ZNF808: variants seen among roughly 807,000 people sequenced by gnomAD.
ZNF808 encodes zinc finger protein 808.
A neutral mutation model predicts 8.7 loss-of-function variants in ZNF808; 5 were observed. The ratio of observed to expected loss-of-function variants is 0.58; its 90% CI spans 0.30 to 1.21. The LOEUF is 1.21. Among genes scored for constraint, ZNF808 ranks in the 50% most tolerant of loss-of-function variants. The pLI, the probability that ZNF808 is intolerant of heterozygous loss-of-function variation, is 0.07. For synonymous variants in ZNF808, 380 were observed against 366.0 expected, an observed-to-expected ratio of 1.04 and a Z score of -0.44; for missense variants, 1,103 against 1,098.4, an observed-to-expected ratio of 1.00 and a Z score of -0.06.
chr19:52,532,382 C>T (rs893257780), intron 1 of ZNF808, among the ~76,000 whole-genome samples: 5 of 152,056 alleles, frequency 3.3e-5, no homozygotes, highest in South Asian at 2.1e-4. Flanking sequence ...ACCGCCACCA[C>T]GCCTGGCTGA....
intron 3 of ZNF808, among the ~76,000 whole-genome samples, chr19:52,544,623 C>T (rs2059703788): frequency 6.6e-6 from 1 of 152,110 alleles, no homozygotes; most frequent in African/African-American, 2.4e-5. Flanking sequence ...ACCACCATGT[C>T]AGGCCTTATT....
chr19:52,552,417 T>C (rs2059786623), intron 4 of ZNF808, among the ~76,000 whole-genome samples: 1 of 149,646 alleles, frequency 6.7e-6, no homozygotes, highest in African/African-American at 2.5e-5. Flanking sequence ...TTTTCTTTTT[T>C]TTTTTTTTCT....
chr19:52,560,382 T>G (rs2059852611), downstream of ZNF808, among the ~76,000 whole-genome samples: 1 of 152,142 alleles, frequency 6.6e-6, no homozygotes, highest in Non-Finnish European at 1.5e-5. Context: ...ATTACAGGCA[T>G]GAGCCACTGT....
chr19:52,554,674 T>A lies in ZNF808; in HGVS notation c.1758T>A (p.Arg586=). The change falls in exon 5 of 5, where the codon CGT becomes CGA. Residue 586 remains arginine (R), a synonymous_variant. Coordinates refer to ENST00000359798, the MANE Select transcript of ZNF808 (RefSeq NM_001039886.4). ...AACAATCACATCTTTCACGTCATCGTAGACTTCATACTGGAGAGAAACCTT... is the reference window on the plus strand; with the variant it reads ...AACAATCACATCTTTCACGTCATCGAAGACTTCATACTGGAGAGAAACCTT... ...FNQQSHLSRH[R]RLHTGEKPYK... 1 of 1,614,056 alleles carries A rather than the reference T, an allele frequency of 6.2e-7. No individual in the cohort carries two copies. Among genetic ancestry groups the A allele is most frequent in the East Asian group, 2.2e-5 (1 of 44,868 alleles).
downstream of ZNF808, among the ~76,000 whole-genome samples, chr19:52,565,918 A>T (rs962837738): frequency 6.6e-6 from 1 of 152,170 alleles, no homozygotes; most frequent in African/African-American, 2.4e-5. Context: ...AGGCTGTGTC[A>T]TGGGTGCATT....
chr19:52,564,108 GT>G, exon 4 of ZNF808: 1 of 664,970 alleles, frequency 1.5e-6, no homozygotes, highest in Non-Finnish European at 2.8e-6. Context: ...GGATTAAGCG[GT>G]TTCTGGCCAA....
chr19:52,536,438 T>C (rs1193841788), intron 2 of ZNF808, among the ~76,000 whole-genome samples: 1 of 152,064 alleles, frequency 6.6e-6, no homozygotes, highest in Non-Finnish European at 1.5e-5. Flanking sequence ...CTGGGGAGGC[T>C]GCGTCTTCTG....
chr19:52,535,330 CAAAAAAAAAAA>C (rs560559835), intron 2 of ZNF808, among the ~76,000 whole-genome samples: 3 of 70,142 alleles, frequency 4.3e-5, no homozygotes, highest in South Asian at 5.1e-4. Flanking sequence ...GACTCCGTCT[CAAAAAAAAAAA>C]AAAAAAAAAA....
chr19:52,539,998 C>T (rs1331305114), intron 2 of ZNF808, among the ~76,000 whole-genome samples: 1 of 152,092 alleles, frequency 6.6e-6, no homozygotes, highest in African/African-American at 2.4e-5. Context: ...ACACACCCCA[C>T]CAGGTCCGGC....
At chr19:52,561,190 CTCTCTCTCTCTCTCTCTCTCTCTATATA>C (rs762376179), downstream of ZNF808, among the ~76,000 whole-genome samples, 366 of 69,132 alleles carry the variant, frequency 5.3e-3, 4 homozygotes, top group Non-Finnish European at 6.3e-3. Context: ...CTCTCTCTCT[CTCTCTCTCTCTCTCTCTCTCTCTATATA>C]TATATATATA....
At chr19:52,549,252 C>G (rs1318492947) in intron 4 of ZNF808, among the ~76,000 whole-genome samples, 1 of 152,144 alleles carries the variant, frequency 6.6e-6, no homozygotes, top group Non-Finnish European at 1.5e-5. Context: ...GCTGGTATTA[C>G]AGACATGAGC....
At chr19:52,561,163 TCTCTCTCTC>T (rs1568494865), downstream of ZNF808, among the ~76,000 whole-genome samples, 1,431 of 66,390 alleles carry the variant, frequency 0.022, 28 homozygotes, top group Admixed American at 0.03. Context: ...ATCTGTTCTC[TCTCTCTCTC>T]TCTCTCTCTC....
chr19:52,555,663 C>A lies in ZNF808; in HGVS notation c.*35C>A. On this transcript the variant is annotated 3_prime_UTR_variant, in exon 5 of 5. Coordinates refer to ENST00000359798, the MANE Select transcript of ZNF808 (RefSeq NM_001039886.4). ...TGTCACAAAGTCTTCAGTAACACTA[C>A]AACAATTGCAAATCATTGGAGAATC... 6.3e-7 allele frequency: 1 copy of A among 1,575,000 alleles called. No individual in the cohort carries two copies.
In ZNF808 at chr19:52,554,905, G is replaced by A; in HGVS notation, c.1989G>A (p.Lys663=). 6.2e-7 allele frequency: 1 copy of A among 1,614,168 alleles called. No individual in the cohort carries two copies. The highest frequency in any genetic ancestry group is 2.2e-5 in the East Asian group (1 of 44,882). ...CNECGKTFSY[K]SSLVWHRRLH... is the part of the protein sequence containing the mutation. The stretch of plus-strand genomic sequence containing the variant: ...AGTGTGGGAAGACCTTCAGTTACAA[G>A]TCATCACTTGTATGGCATCGTAGAC... Residue 663 remains lysine, a synonymous_variant, in exon 5 of 5, where the codon AAG becomes AAA. Transcript: ENST00000359798.
downstream of ZNF808, among the ~76,000 whole-genome samples, chr19:52,560,103 A>C (rs2059851574): frequency 6.6e-6 from 1 of 152,192 alleles, no homozygotes; most frequent in South Asian, 2.1e-4. Context: ...TGGGAGGCCC[A>C]GGTGGGTGAA....
intron 3 of ZNF808, among the ~76,000 whole-genome samples, chr19:52,563,143 T>G (rs1288562719): frequency 6.6e-6 from 1 of 152,188 alleles, no homozygotes; most frequent in Non-Finnish European, 1.5e-5. Context: ...GTAGTGATCT[T>G]AAATGTATTT....
chr19:52,542,115 C>T (rs1320049010), intron 2 of ZNF808, among the ~76,000 whole-genome samples: 3 of 149,132 alleles, frequency 2.0e-5, no homozygotes, highest in Admixed American at 6.7e-5. Context: ...TTTTTTGAGA[C>T]GAATTTTCAC....
chr19:52,533,589 GCTCACGC>G (rs1295139022), intron 2 of ZNF808, among the ~76,000 whole-genome samples: 1 of 150,434 alleles, frequency 6.6e-6, no homozygotes, highest in Non-Finnish European at 1.5e-5. Context: ...ACGCGCAGTG[GCTCACGC>G]CTGTAATCCC....
At chr19:52,566,271 T>G (rs1480104075), downstream of ZNF808, among the ~76,000 whole-genome samples, 1 of 152,076 alleles carries the variant, frequency 6.6e-6, no homozygotes, top group African/African-American at 2.4e-5. Context: ...GTACTACGGA[T>G]TCTCCTGTCT....
Sources: gnomAD v4.1 joint callset for allele counts (sites outside exome capture counted in the v4.1 genomes callset) on GRCh38, gnomAD v4.1.1 for gene constraint, MANE v1.5 for transcripts, NCBI Gene and HGNC (gene_info 2026-07-23, HGNC 2026-07-21) for gene names.